The following SLC14A2 variants were observed in gnomAD, a reference collection of about 807,000 sequenced individuals.
SLC14A2 encodes urea transporter 2.
A neutral mutation model predicts 104.6 loss-of-function variants in SLC14A2; 91 were observed. The observed-to-expected ratio is 0.87, with a 90% CI of 0.73 to 1.04. SLC14A2 has a LOEUF of 1.04. Among genes scored for constraint, SLC14A2 ranks in the 50% least tolerant of loss-of-function variants. SLC14A2 has a pLI of 0.00. For synonymous variants in SLC14A2, 476 were observed against 466.4 expected (o/e 1.02, Z -0.27); for missense variants, 1,189 against 1,156.0 (o/e 1.03, Z -0.41).
chr18:45,549,629 A>G (rs564823226), intron 2 of SLC14A2, among the ~76,000 whole-genome samples: 1 of 152,360 alleles, frequency 6.6e-6, no homozygotes, highest in South Asian at 2.1e-4. Flanking sequence ...CAAAAATGCT[A>G]GTCGGATGCT....
chr18:45,547,999 A>C (rs1374658194), intron 2 of SLC14A2, among the ~76,000 whole-genome samples: 1 of 152,178 alleles, frequency 6.6e-6, no homozygotes, highest in East Asian at 1.9e-4. Context: ...CAGGACTTGG[A>C]GTCTTTCCCA....
At chr18:45,359,402 A>G (rs981736887) in intron 1 of SLC14A2, among the ~76,000 whole-genome samples, 1 of 152,194 alleles carries the variant, frequency 6.6e-6, no homozygotes, top group Non-Finnish European at 1.5e-5. Context: ...GCCTCTCTGC[A>G]TCAGCCAGTT....
intron 2 of SLC14A2, among the ~76,000 whole-genome samples, chr18:45,576,466 A>C (rs2044420805): frequency 6.6e-6 from 1 of 151,828 alleles, no homozygotes. Context: ...TTGTGTTTTT[A>C]GTAGAGACGG....
At chr18:45,404,057 CT>C (rs992273511) in intron 1 of SLC14A2, among the ~76,000 whole-genome samples, 2 of 152,212 alleles carry the variant, frequency 1.3e-5, no homozygotes, top group African/African-American at 4.8e-5. Flanking sequence ...AGGAACCCAT[CT>C]TTAGCTGGTT....
At chr18:45,209,243 T>C (rs1289317991), upstream of SLC14A2, among the ~76,000 whole-genome samples, 1 of 149,386 alleles carries the variant, frequency 6.7e-6, no homozygotes, top group Non-Finnish European at 1.5e-5. Context: ...CTCGGGAGGC[T>C]GAGGCAGCAG....
the SLC14A2 span, among the ~76,000 whole-genome samples, chr18:45,200,774 G>T: frequency 6.6e-6 from 1 of 152,002 alleles, no homozygotes; most frequent in East Asian, 1.9e-4. Flanking sequence ...AACTTTTAAA[G>T]AATAGTTTTA....
intron 1 of SLC14A2, among the ~76,000 whole-genome samples, chr18:45,619,712 G>T (rs1232138165): frequency 6.6e-6 from 1 of 152,098 alleles, no homozygotes; most frequent in East Asian, 1.9e-4. Flanking sequence ...GACGTGGCTC[G>T]GGCAGGGATT....
At chr18:45,398,234 A>T (rs1281760674) in intron 1 of SLC14A2, among the ~76,000 whole-genome samples, 1 of 152,196 alleles carries the variant, frequency 6.6e-6, no homozygotes, top group Non-Finnish European at 1.5e-5. Flanking sequence ...TGTCCTTTTC[A>T]TCAACTTCTC....
At chr18:45,522,175 T>C (rs761554917) in intron 2 of SLC14A2, among the ~76,000 whole-genome samples, 1 of 152,218 alleles carries the variant, frequency 6.6e-6, no homozygotes, top group Non-Finnish European at 1.5e-5. Context: ...GGAGCATGCA[T>C]GTTAAAGCAC....
chr18:45,262,709 C>T (rs1413536257), intron 1 of SLC14A2, among the ~76,000 whole-genome samples: 2 of 152,126 alleles, frequency 1.3e-5, no homozygotes, highest in Non-Finnish European at 1.5e-5. Context: ...GCACAAGGCC[C>T]GGTCCTGAGT....
At chr18:45,393,380 T>A (rs911411887) in intron 1 of SLC14A2, among the ~76,000 whole-genome samples, 3 of 152,164 alleles carry the variant, frequency 2.0e-5, no homozygotes, top group Admixed American at 6.5e-5. Context: ...ATTCATTCCC[T>A]TGATCAAAGC....
At chr18:45,584,321 C>A (rs2044538333) in intron 2 of SLC14A2, among the ~76,000 whole-genome samples, 1 of 152,202 alleles carries the variant, frequency 6.6e-6, no homozygotes, top group African/African-American at 2.4e-5. Flanking sequence ...TACACTTTAA[C>A]AGAAACTCAT....
At chr18:45,367,066 T>C (rs2085673366) in intron 1 of SLC14A2, among the ~76,000 whole-genome samples, 1 of 152,208 alleles carries the variant, frequency 6.6e-6, no homozygotes, top group Admixed American at 6.5e-5. Context: ...AGCATGTAAA[T>C]GAAGAAAGGT....
At chr18:45,392,373 C>T (rs1323537985) in intron 1 of SLC14A2, among the ~76,000 whole-genome samples, 2 of 152,166 alleles carry the variant, frequency 1.3e-5, no homozygotes, top group Non-Finnish European at 2.9e-5. Context: ...AAAACATAGT[C>T]AACTGGGCTT....
intron 1 of SLC14A2, among the ~76,000 whole-genome samples, chr18:45,246,116 G>T (rs921799895): frequency 6.6e-6 from 1 of 152,134 alleles, no homozygotes; most frequent in Non-Finnish European, 1.5e-5. Context: ...AGGTCATAAA[G>T]GAGGGGTCCT....
intron 1 of SLC14A2, among the ~76,000 whole-genome samples, chr18:45,384,678 G>C (rs1052572121): frequency 6.6e-6 from 1 of 151,778 alleles, no homozygotes; most frequent in Non-Finnish European, 1.5e-5. Flanking sequence ...ACCCCCAGCT[G>C]TCCAGGGGCT....
intron 1 of SLC14A2, among the ~76,000 whole-genome samples, chr18:45,392,442 T>C (rs1169025219): frequency 6.6e-6 from 1 of 152,206 alleles, no homozygotes; most frequent in Non-Finnish European, 1.5e-5. Context: ...TGGTAATCAG[T>C]GCACATAATA....
the SLC14A2 span, among the ~76,000 whole-genome samples, chr18:45,199,142 T>G: frequency 0.24 from 36,685 of 150,130 alleles, 4,707 homozygotes; most frequent in Non-Finnish European, 0.31. Context: ...GTTCTTTTAT[T>G]AGTGAAAAAT....
At chr18:45,626,918 A>G in intron 3 of SLC14A2, 40 bp from the exon 4 acceptor site, 1 of 1,509,200 alleles carries the variant, frequency 6.6e-7, no homozygotes, top group Non-Finnish European at 9.0e-7. Context: ...AGAGCAGCCC[A>G]AGCTGGACCT....
Sources: gnomAD v4.1 joint callset for allele counts (sites outside exome capture counted in the v4.1 genomes callset) on GRCh38, gnomAD v4.1.1 for gene constraint, MANE v1.5 for transcripts, NCBI Gene and HGNC (gene_info 2026-07-23, HGNC 2026-07-21) for gene names.